MEGF11: variants seen among roughly 807,000 people sequenced by gnomAD.
MEGF11 encodes the protein multiple EGF like domains 11.
A neutral mutation model predicts 146.6 loss-of-function variants in MEGF11; 126 were observed. That is an observed-to-expected ratio of 0.86 (90% CI 0.74 to 1.00). The LOEUF (loss-of-function observed/expected upper bound fraction) is 1.00. Among genes scored for constraint, MEGF11 ranks in the 50% least tolerant of loss-of-function variants. The pLI, the probability that MEGF11 is intolerant of heterozygous loss-of-function variation, is 0.00. For missense variants in MEGF11, 1,509 were observed against 1,521.2 expected, an observed-to-expected ratio of 0.99 and a Z score of 0.13; for synonymous variants, 532 against 583.4, an observed-to-expected ratio of 0.91 and a Z score of 1.27.
Position 65,986,793 on chromosome 15 carries a change from C to CTT in MEGF11, c.395-4307_395-4306dup, listed in dbSNP as rs34991788. Among the ~76,000 whole-genome samples the CTT allele has an allele frequency of 6.7e-3, 809 of 121,302 alleles. 13 individuals carry two copies. Among genetic ancestry groups the CTT allele is most frequent in the African/African-American group, 0.015 (485 of 31,848 alleles). The allele number at this position is 121,302 out of a possible 152,430, so 79.6% of individuals were successfully genotyped here. A position where few individuals can be genotyped will look rare whatever the true frequency, so the allele number is the denominator to read the frequency against. The stretch of plus-strand genomic sequence containing the variant: ...TATATTGGGCTTTGGCTGATTTTTC[C>CTT]TTTTTTTTTTTTTTTTTTTTTGAGA... On this transcript the variant is annotated intron_variant, in intron 5 of 25. Coordinates refer to ENST00000395614, the MANE Select transcript of MEGF11 (RefSeq NM_001385028.1).
chr15:65,972,447 G>T (rs1364829206), intron 7 of MEGF11, among the ~76,000 whole-genome samples: 2 of 152,170 alleles, frequency 1.3e-5, no homozygotes, highest in Admixed American at 6.5e-5. Flanking sequence ...GGTGGCTCAT[G>T]CCTATAATTC....
chr15:66,003,348 T>C (rs1049744823), intron 5 of MEGF11, among the ~76,000 whole-genome samples: 4 of 152,170 alleles, frequency 2.6e-5, no homozygotes, highest in African/African-American at 7.2e-5. Flanking sequence ...GACATCCCCA[T>C]GTGCTTGTCT....
intron 3 of MEGF11, among the ~76,000 whole-genome samples, chr15:66,122,991 G>C (rs1467927833): frequency 2.0e-5 from 3 of 152,108 alleles, no homozygotes; most frequent in African/African-American, 7.2e-5. Flanking sequence ...CACTGTGTTA[G>C]CCAGGATGAT....
chr15:65,983,669 G>T (rs1040389438), intron 5 of MEGF11, among the ~76,000 whole-genome samples: 1 of 152,204 alleles, frequency 6.6e-6, no homozygotes, highest in Non-Finnish European at 1.5e-5. Context: ...AGCACTGAAA[G>T]TTCCACATTC....
Position 65,957,406 on chromosome 15 carries a change from C to T in MEGF11, c.1287+141G>A, listed in dbSNP as rs1029295074. 1.7e-5 allele frequency: 13 copies of T among 768,494 alleles called. No individual in the cohort carries two copies. In the African/African-American group the frequency reaches 2.1e-4, roughly 13 times the overall value. 47.6% of individuals were successfully genotyped at this position (768,494 alleles called of 1,614,324 possible). ...GGCCCTTTGAGAACAGCTTCAGGGG[C>T]TCTCCCCTCATGAAGTCTGTCTCTG... On this transcript the variant is annotated intron_variant, in intron 10 of 25. Coordinates refer to ENST00000395614, the MANE Select transcript of MEGF11 (RefSeq NM_001385028.1).
At chr15:66,042,995 A>C (rs1427603648) in intron 5 of MEGF11, among the ~76,000 whole-genome samples, 1 of 152,230 alleles carries the variant, frequency 6.6e-6, no homozygotes, top group East Asian at 1.9e-4. Context: ...GGAATGTCTC[A>C]AAACTCTGAG....
rs187166316 is a variant in MEGF11 at position 66,064,063 on chromosome 15, C to T, written c.394+30339G>A. On this transcript the variant is annotated intron_variant, in intron 5 of 25. Coordinates refer to ENST00000395614, the MANE Select transcript of MEGF11 (RefSeq NM_001385028.1). ...CCTGCCACCTAGCACGTTGATGAAA[C>T]GCCATAGCAACAAAACAAAATACTG... Among the ~76,000 whole-genome samples, 334 of 152,250 alleles carry T rather than the reference C, an allele frequency of 2.2e-3. 4 individuals carry two copies. The highest frequency in any genetic ancestry group is 6.6e-3 in the African/African-American group (274 of 41,542).
At chr15:66,155,485 C>A (rs1485623328) in intron 1 of MEGF11, among the ~76,000 whole-genome samples, 2 of 152,192 alleles carry the variant, frequency 1.3e-5, no homozygotes, top group Non-Finnish European at 2.9e-5. Context: ...TGACTTCCTC[C>A]AGTCTCCCGG....
At chr15:66,169,946 G>A (rs1223644759) in intron 1 of MEGF11, among the ~76,000 whole-genome samples, 1 of 151,964 alleles carries the variant, frequency 6.6e-6, no homozygotes, top group Admixed American at 6.5e-5. Context: ...CACAGAAACT[G>A]CATAAAGTGT....
At chr15:65,948,023 C>T (rs1189471031) in intron 10 of MEGF11, among the ~76,000 whole-genome samples, 1 of 152,162 alleles carries the variant, frequency 6.6e-6, no homozygotes. Flanking sequence ...AGGCTGGCCT[C>T]ATCTTAGTGA....
At chr15:66,178,213 T>C (rs533887475) in intron 1 of MEGF11, among the ~76,000 whole-genome samples, 4 of 152,300 alleles carry the variant, frequency 2.6e-5, no homozygotes, top group Admixed American at 1.3e-4. Flanking sequence ...CTTGAACTCC[T>C]GGGCTCAAGC....
intron 5 of MEGF11, among the ~76,000 whole-genome samples, chr15:66,090,651 T>C (rs2086283938): frequency 1.3e-5 from 2 of 152,172 alleles, no homozygotes; most frequent in Non-Finnish European, 2.9e-5. Flanking sequence ...GCCCCACGAA[T>C]CTTGGAAAAA....
At chr15:66,118,141 C>T (rs145825526) in intron 4 of MEGF11, among the ~76,000 whole-genome samples, 216 of 152,246 alleles carry the variant, frequency 1.4e-3, no homozygotes, top group Non-Finnish European at 2.2e-3. Context: ...AGTCATTAAA[C>T]GAGGGCCTCC....
intron 5 of MEGF11, among the ~76,000 whole-genome samples, chr15:66,001,499 G>A (rs184966001): frequency 7.2e-5 from 11 of 152,214 alleles, no homozygotes; most frequent in Admixed American, 3.3e-4. Flanking sequence ...AATGGTGGTC[G>A]TCACTCTGCT....
chr15:65,912,272 C>A (rs977432629), intron 20 of MEGF11, 72 bp from the exon 21 acceptor site: 228 of 940,750 alleles, frequency 2.4e-4, no homozygotes, highest in Non-Finnish European at 4.4e-5. Context: ...AGTACTAATG[C>A]TTGCGCTGGG....
At chr15:66,076,493 G>T (rs540924226) in intron 5 of MEGF11, among the ~76,000 whole-genome samples, 1 of 152,154 alleles carries the variant, frequency 6.6e-6, no homozygotes, top group Admixed American at 6.5e-5. Flanking sequence ...TGCCAGAATG[G>T]GTTTTCCTTA....
intron 1 of MEGF11, among the ~76,000 whole-genome samples, chr15:66,152,227 C>T (rs2089597163): frequency 6.6e-6 from 1 of 152,142 alleles, no homozygotes; most frequent in South Asian, 2.1e-4. Context: ...TATGAACCCA[C>T]CTTGGTCTCA....
intron 1 of MEGF11, among the ~76,000 whole-genome samples, chr15:66,243,234 T>C (rs9652477): frequency 0.92 from 139,746 of 152,288 alleles, 64,148 homozygotes; most frequent in East Asian, 0.99. Flanking sequence ...ACCCTGCATG[T>C]TCCCTGACAG....
chr15:66,127,735 C>T (rs956309172), intron 2 of MEGF11, among the ~76,000 whole-genome samples: 59 of 152,304 alleles, frequency 3.9e-4, no homozygotes, highest in African/African-American at 1.3e-3. Context: ...GGCCCATTCC[C>T]CCAGGACCTA....
Sources: allele counts gnomAD v4.1 joint callset (sites outside exome capture counted in the v4.1 genomes callset), GRCh38; gene constraint gnomAD v4.1.1; transcripts MANE v1.5; gene names NCBI Gene and HGNC (gene_info 2026-07-23, HGNC 2026-07-21).